Variants in PROM1 observed in about 807,000 individuals in gnomAD.
PROM1 encodes the protein prominin 1.
In PROM1, 105 loss-of-function variants were observed where a neutral mutation model predicts 116.9. That is an observed-to-expected ratio of 0.90 (90% CI 0.77 to 1.06). The LOEUF is 1.06. Ranked by LOEUF, PROM1 falls within the 50% of genes least tolerant of loss-of-function variation. The pLI, the probability that PROM1 is intolerant of heterozygous loss-of-function variation, is 0.00. For synonymous variants in PROM1, 393 were observed against 387.0 expected (o/e 1.02, Z -0.18); for missense variants, 1,122 against 1,045.2 (o/e 1.07, Z -1.01).
chr4:15,991,595 CTTT>C (rs745602988), intron 17 of PROM1, among the ~76,000 whole-genome samples: 9 of 141,260 alleles, frequency 6.4e-5, no homozygotes, highest in Admixed American at 7.2e-5. Context: ...GTTACGTAAT[CTTT>C]TTTTTTTTTT....
At chr4:15,994,757 T>A (rs1213869780) in intron 15 of PROM1, among the ~76,000 whole-genome samples, 1 of 152,186 alleles carries the variant, frequency 6.6e-6, no homozygotes, top group Non-Finnish European at 1.5e-5. Context: ...AATAGCGGCA[T>A]CCAGGAATGT....
chr4:16,021,323 A>G (rs1000088779), intron 8 of PROM1, among the ~76,000 whole-genome samples: 21 of 152,244 alleles, frequency 1.4e-4, no homozygotes, highest in Non-Finnish European at 2.1e-4. Flanking sequence ...AACATTGGGC[A>G]AAAAGTAAAG....
intron 2 of PROM1, among the ~76,000 whole-genome samples, chr4:16,052,773 G>A (rs1738191290): frequency 6.6e-6 from 1 of 152,210 alleles, no homozygotes; most frequent in Non-Finnish European, 1.5e-5. Flanking sequence ...GAGCCACAGG[G>A]CCTGGCGGTA....
intron 27 of PROM1, among the ~76,000 whole-genome samples, chr4:15,969,672 C>T (rs1031871517): frequency 6.6e-6 from 1 of 151,950 alleles, no homozygotes. Flanking sequence ...CTGCAACCTC[C>T]GTCTCCCGGG....
chr4:16,016,178 G>A lies in PROM1; in HGVS notation c.1065C>T (p.Gly355=), dbSNP rs1474192407. The change falls in exon 10 of 28, where the codon GGC becomes GGT. Residue 355 remains glycine (G), a synonymous_variant. Coordinates refer to ENST00000447510, the MANE Select transcript of PROM1 (RefSeq NM_006017.3). The part of the protein sequence containing the change: ...VNNVLRTDLD[G]LVQQGYQSLN... ...TCCAAAAGCATACCTGTTGGACCAG[G>A]CCATCCAAATCTGTCCTAAGAACGT... 6.4e-7 allele frequency: 1 copy of A among 1,554,426 alleles called. No individual in the cohort carries two copies. Among genetic ancestry groups the A allele is most frequent in the South Asian group, 1.2e-5 (1 of 84,030 alleles).
chr4:16,072,241 GGGA>G (rs2149567451), intron 2 of PROM1, among the ~76,000 whole-genome samples: 1 of 152,214 alleles, frequency 6.6e-6, no homozygotes, highest in Admixed American at 6.5e-5. Context: ...TTACTTCCTG[GGGA>G]TACAAGAAGG....
intron 26 of PROM1, chr4:15,971,287 G>C: frequency 1.9e-6 from 1 of 537,026 alleles, no homozygotes; most frequent in African/African-American, 1.9e-5. Context: ...CAGCATAGAA[G>C]ATAAAGAGGA....
chr4:15,977,099 C>G (rs139815242), intron 26 of PROM1, among the ~76,000 whole-genome samples: 2 of 152,032 alleles, frequency 1.3e-5, no homozygotes, highest in African/African-American at 2.4e-5. Flanking sequence ...CCCTTTTTTT[C>G]ACAACCATGG....
At chr4:16,012,062 T>A (rs1727005991) in intron 11 of PROM1, among the ~76,000 whole-genome samples, 1 of 152,154 alleles carries the variant, frequency 6.6e-6, no homozygotes, top group Non-Finnish European at 1.5e-5. Context: ...AGTGGCACGA[T>A]CTCGGCTCAC....
intron 26 of PROM1, among the ~76,000 whole-genome samples, chr4:15,973,454 C>T (rs1449070211): frequency 6.6e-6 from 1 of 152,124 alleles, no homozygotes; most frequent in Non-Finnish European, 1.5e-5. Context: ...TCTCAAACAA[C>T]AACAACAGCA....
intron 10 of PROM1, among the ~76,000 whole-genome samples, chr4:16,014,932 G>A (rs1727910017): frequency 6.6e-6 from 1 of 152,182 alleles, no homozygotes; most frequent in Non-Finnish European, 1.5e-5. Context: ...TGGTGGGAAG[G>A]GAGACATTAA....
intron 2 of PROM1, among the ~76,000 whole-genome samples, chr4:16,058,012 C>T (rs1739432874): frequency 6.6e-6 from 1 of 152,188 alleles, no homozygotes; most frequent in African/African-American, 2.4e-5. Context: ...CCACCTGAAA[C>T]TGTCCAGGCC....
intron 27 of PROM1, among the ~76,000 whole-genome samples, 187 bp from the exon 28 acceptor site, chr4:15,969,555 A>C (rs1202179516): frequency 2.0e-5 from 3 of 152,126 alleles, no homozygotes; most frequent in South Asian, 2.1e-4. Flanking sequence ...ATATAGAAAA[A>C]AACTTTGTGG....
chr4:16,032,942 T>C (rs1350636531), intron 5 of PROM1, among the ~76,000 whole-genome samples: 1 of 152,224 alleles, frequency 6.6e-6, no homozygotes, highest in Non-Finnish European at 1.5e-5. Flanking sequence ...TGCAGATCCA[T>C]CTCTCTTTTC....
At chr4:15,971,351 G>C (rs1239821823) in intron 26 of PROM1, 7 of 411,412 alleles carry the variant, frequency 1.7e-5, no homozygotes, top group Admixed American at 3.9e-5. Context: ...AAGGTTAAAA[G>C]TGTTAAGAGT....
At chr4:16,041,479 T>C (rs1379971030) in intron 2 of PROM1, among the ~76,000 whole-genome samples, 2 of 152,054 alleles carry the variant, frequency 1.3e-5, no homozygotes, top group Non-Finnish European at 2.9e-5. Context: ...CCATCTTTAC[T>C]TGGAAGAAAA....
At position 16,006,709 on chromosome 4, in the gene PROM1, T is replaced by C; in HGVS notation, c.1302-19A>G. 1.2e-6 allele frequency: 2 copies of C among 1,611,316 alleles called. No individual in the cohort carries two copies. Among genetic ancestry groups the C allele is most frequent in the Non-Finnish European group, 1.7e-6 (2 of 1,178,934 alleles). On this transcript the variant is annotated intron_variant, in intron 12 of 27. Transcript: ENST00000447510. ...CAGCCACCTGGAGAGGCAAGCACAG[T>C]GTTAGTATACATGACACAGGTGACG... is the stretch of plus-strand genomic sequence containing the variant.
chr4:15,976,863 CAG>C (rs1560379066), intron 26 of PROM1, among the ~76,000 whole-genome samples: 1 of 152,172 alleles, frequency 6.6e-6, no homozygotes, highest in African/African-American at 2.4e-5. Flanking sequence ...GCATGGTCAG[CAG>C]AGAGCCTCCA....
chr4:16,039,058 A>T, intron 2 of PROM1, 57 bp from the exon 3 acceptor site: 4 of 1,367,568 alleles, frequency 2.9e-6, no homozygotes, highest in Non-Finnish European at 3.8e-6. Context: ...TATAAAATGC[A>T]TATTTAGAAA....
Sources: gnomAD v4.1 joint callset for allele counts (sites outside exome capture counted in the v4.1 genomes callset) on GRCh38, gnomAD v4.1.1 for gene constraint, MANE v1.5 for transcripts, NCBI Gene and HGNC (gene_info 2026-07-23, HGNC 2026-07-21) for gene names.